Variants in CNGA4 observed in about 807,000 individuals in gnomAD.
CNGA4 encodes the protein cyclic nucleotide-gated channel alpha-4.
A neutral mutation model predicts 45.6 loss-of-function variants in CNGA4; 32 were observed. That is an observed-to-expected ratio of 0.70 (90% CI 0.53 to 0.94). The LOEUF (loss-of-function observed/expected upper bound fraction) is 0.94, where lower values mean the gene tolerates loss of function less well. Among genes scored for constraint, CNGA4 ranks in the 40% least tolerant of loss-of-function variants. The pLI, the probability that CNGA4 is intolerant of heterozygous loss-of-function variation, is 0.00. For synonymous variants in CNGA4, 293 were observed against 304.6 expected, an observed-to-expected ratio of 0.96 and a Z score of 0.40; for missense variants, 726 against 755.1, an observed-to-expected ratio of 0.96 and a Z score of 0.45.
chr11:6,237,109 A>G (rs1265768774), upstream of CNGA4, among the ~76,000 whole-genome samples: 1 of 152,206 alleles, frequency 6.6e-6, no homozygotes. Flanking sequence ...ACCAGACAAC[A>G]CGCATTCCAA....
Position 6,241,484 on chromosome 11 carries a change from A to G in CNGA4, c.971A>G (p.Gln324Arg). ...ATGACCAACGAGGTAGCCATCTTAC[A>G]GCACTTGCCTGAGCGGCTGCGGGCA... Reference protein sequence around the residue: ...KKMTNEVAILQHLPERLRAEV... With the variant: ...KKMTNEVAILRHLPERLRAEV... The change falls in exon 5 of 6, where the codon CAG becomes CGG. Residue 324 changes from glutamine (Q) to arginine (R), a missense_variant. By Grantham distance (43) the Gln-to-Arg change is conservative (BLOSUM62 1). Transcript: ENST00000379936. The G allele has an allele frequency of 1.9e-6, 3 of 1,608,964 alleles. No individual in the cohort carries two copies. Among genetic ancestry groups the G allele is most frequent in the Non-Finnish European group, 2.6e-6 (3 of 1,176,352 alleles).
At position 6,244,410 on chromosome 11, in the gene CNGA4, C is replaced by A. The variant is rs760107657; in HGVS notation, c.*1C>A. Reference sequence around the variant, plus strand: ...GGAGGGACCCCCAGGTCCAGAGTGACCCCATCCCCATCCCCAGGATTCCCA... The same window carrying A: ...GGAGGGACCCCCAGGTCCAGAGTGAACCCATCCCCATCCCCAGGATTCCCA... On this transcript the variant is annotated 3_prime_UTR_variant, in exon 6 of 6. Transcript: ENST00000379936. This position sits in a 1 kb window ranked among gnomAD's most constrained non-coding sequence, Gnocchi z 4.5. 3 of 1,598,936 alleles carry A rather than the reference C, an allele frequency of 1.9e-6. No homozygotes were observed. Among genetic ancestry groups the A allele is most frequent in the South Asian group, 2.2e-5 (2 of 89,400 alleles).
chr11:6,240,274 C>T lies in CNGA4; in HGVS notation c.480C>T (p.Arg160=). The T allele has an allele frequency of 6.2e-7, 1 of 1,614,220 alleles. No homozygotes were observed. Among genetic ancestry groups the T allele is most frequent in the Non-Finnish European group, 8.5e-7 (1 of 1,180,026 alleles). The change falls in exon 4 of 6, where the codon CGC becomes CGT. Residue 160 remains arginine (R), a synonymous_variant. Coordinates refer to ENST00000379936, the MANE Select transcript of CNGA4 (RefSeq NM_001037329.4). This position sits in a 1 kb window ranked among gnomAD's most constrained non-coding sequence, Gnocchi z 4.9. The part of the protein sequence containing the change: ...LFEAFDRTET[R]TAYPNAFRIA... Reference sequence around the variant, plus strand: ...AGGCCTTCGACCGCACAGAGACCCGCACAGCTTACCCAAATGCCTTTCGCA... The same window carrying T: ...AGGCCTTCGACCGCACAGAGACCCGTACAGCTTACCCAAATGCCTTTCGCA...
intron 5 of CNGA4, 137 bp downstream of exon 5, chr11:6,241,917 G>C (rs948070841): frequency 1.4e-6 from 1 of 715,300 alleles, no homozygotes; most frequent in South Asian, 1.8e-5. Context: ...TGAGTCACTA[G>C]ATGGCTCAGG....
At position 6,240,621 on chromosome 11, in the gene CNGA4, A is replaced by T; in HGVS notation, c.827A>T (p.Asp276Val). Residue 276 changes from aspartate to valine, a missense_variant, in exon 4 of 6, where the codon GAT becomes GTT. Coordinates refer to ENST00000379936, the MANE Select transcript of CNGA4 (RefSeq NM_001037329.4). This position sits in a 1 kb window ranked among gnomAD's most constrained non-coding sequence, Gnocchi z 4.9. ...GTCATCTACAACATGAACACTGCAG[A>T]TGCGGCTTTCTACCCAGATCATGCA... Reference protein sequence around the residue: ...SSVIYNMNTADAAFYPDHALV... With the variant: ...SSVIYNMNTAVAAFYPDHALV... The T allele has an allele frequency of 6.2e-7, 1 of 1,614,212 alleles. No individual in the cohort carries two copies. Among genetic ancestry groups the T allele is most frequent in the Non-Finnish European group, 8.5e-7 (1 of 1,180,044 alleles).
upstream of CNGA4, among the ~76,000 whole-genome samples, chr11:6,238,693 CTCTT>C (rs539477303): frequency 2.3e-3 from 343 of 152,342 alleles, no homozygotes; most frequent in Non-Finnish European, 3.9e-3. Context: ...TGAGAGGCAT[CTCTT>C]TGTCCCTGGA....
upstream of CNGA4, chr11:6,238,942 A>T: frequency 1.1e-6 from 1 of 936,182 alleles, no homozygotes; most frequent in Non-Finnish European, 1.5e-6. Flanking sequence ...CACCTTCTCC[A>T]GGGATCTCAT....
At chr11:6,236,164 T>C (rs951554348), upstream of CNGA4, among the ~76,000 whole-genome samples, 1 of 152,116 alleles carries the variant, frequency 6.6e-6, no homozygotes, top group African/African-American at 2.4e-5. Context: ...GATCAGCATA[T>C]ACCAGGGAAA....
At chr11:6,238,481 A>G (rs1247124389), upstream of CNGA4, among the ~76,000 whole-genome samples, 1 of 152,176 alleles carries the variant, frequency 6.6e-6, no homozygotes, top group East Asian at 1.9e-4. Flanking sequence ...AAAAAGAGAA[A>G]AGTTGAAAGA....
In CNGA4 at chr11:6,243,344, T is replaced by C. The variant is rs567302873; in HGVS notation, c.1268-605T>C. On this transcript the variant is annotated intron_variant, in intron 5 of 5. Coordinates refer to ENST00000379936, the MANE Select transcript of CNGA4 (RefSeq NM_001037329.4). ...TTCTAGGGAGGCTTCAAGAAGCTTA[T>C]AATTGTGGCAGAAGGCAAAGGGGGA... Among the ~76,000 whole-genome samples the C allele has an allele frequency of 2.0e-5, 3 of 152,266 alleles. No homozygotes were observed. In the East Asian group the frequency reaches 5.8e-4, roughly 29 times the overall value.
At chr11:6,236,012 A>G (rs1030900582), upstream of CNGA4, among the ~76,000 whole-genome samples, 2 of 152,236 alleles carry the variant, frequency 1.3e-5, no homozygotes, top group African/African-American at 4.8e-5. Flanking sequence ...TCATTGTGCT[A>G]TAGTTATGTA....
chr11:6,241,073 A>G (rs1200129185), intron 4 of CNGA4, among the ~76,000 whole-genome samples: 1 of 152,154 alleles, frequency 6.6e-6, no homozygotes, highest in Non-Finnish European at 1.5e-5. Context: ...TTGGCTACCT[A>G]TGGTGATTCA....
downstream of CNGA4, among the ~76,000 whole-genome samples, chr11:6,244,689 T>C (rs985603978): frequency 6.6e-6 from 1 of 151,488 alleles, no homozygotes; most frequent in Admixed American, 6.6e-5. This position sits in a 1 kb window ranked among gnomAD's most constrained non-coding sequence, Gnocchi z 4.5. Context: ...GCTCTGGAAT[T>C]TCCATTCTCA....
In CNGA4 at chr11:6,240,791, C is replaced by G. The variant is rs751074189; in HGVS notation, c.917+80C>G. 1.7e-5 allele frequency: 26 copies of G among 1,511,656 alleles called. No homozygotes were observed. Among genetic ancestry groups the G allele is most frequent in the Middle Eastern group, 2.4e-4 (1 of 4,158 alleles). 93.6% of individuals were successfully genotyped at this position (1,511,656 alleles called of 1,614,324 possible). A position where few individuals can be genotyped will look rare whatever the true frequency, so the allele number is the denominator to read the frequency against. On this transcript the variant is annotated intron_variant, in intron 4 of 5. Coordinates refer to ENST00000379936, the MANE Select transcript of CNGA4 (RefSeq NM_001037329.4). The surrounding 1 kb of genome is among the most constrained non-coding windows in gnomAD (Gnocchi z 4.9). The stretch of plus-strand genomic sequence containing the variant: ...GAGGGAGGTAACTGGGTCCTTAGTG[C>G]CTGGTGAGCCAGGCAAGGCTGTCAA...
At chr11:6,237,232 ATT>A (rs1212018982), upstream of CNGA4, among the ~76,000 whole-genome samples, 1 of 151,932 alleles carries the variant, frequency 6.6e-6, no homozygotes, top group Non-Finnish European at 1.5e-5. Flanking sequence ...ATTTGTGACC[ATT>A]TTTTTTAACT....
At chr11:6,244,492 G>A, downstream of CNGA4, 1 of 1,322,022 alleles carries the variant, frequency 7.6e-7, no homozygotes, top group Non-Finnish European at 1.0e-6. This position sits in a 1 kb window ranked among gnomAD's most constrained non-coding sequence, Gnocchi z 4.5. Context: ...CTGTCATCCT[G>A]TCTGCGAGAT....
At chr11:6,241,931 AAAAC>A in intron 5 of CNGA4, 151 bp downstream of exon 5, 1 of 662,720 alleles carries the variant, frequency 1.5e-6, no homozygotes, top group Non-Finnish European at 2.6e-6. Context: ...GCTCAGGAGA[AAAAC>A]AACACATAGA....
In CNGA4 at chr11:6,241,467, C is replaced by T. The variant is rs375543350; in HGVS notation, c.954C>T (p.Asn318=). Residue 318 remains asparagine, a synonymous_variant, in exon 5 of 6, where the codon AAC becomes AAT. Transcript: ENST00000379936. ...TGCAGATCAACAAGAAGATGACCAA[C>T]GAGGTAGCCATCTTACAGCACTTGC... The part of the protein sequence containing the change: ...QHLQINKKMT[N]EVAILQHLPE... 1.6e-5 allele frequency: 26 copies of T among 1,598,768 alleles called. No individual in the cohort carries two copies. Among genetic ancestry groups the T allele is most frequent in the East Asian group, 2.2e-5 (1 of 44,664 alleles).
Position 6,239,444 on chromosome 11 carries a change from G to C in CNGA4, c.123G>C (p.Met41Ile), listed in dbSNP as rs1332908299. The stretch of plus-strand genomic sequence containing the variant: ...ACTACTACTGGTGGCTGAACACAAT[G>C]GTCTTCCCAGTCATGTATAACCTCA... Reference protein sequence around the residue: ...GDYYYWWLNTMVFPVMYNLII... With the variant: ...GDYYYWWLNTIVFPVMYNLII... Residue 41 changes from methionine (M) to isoleucine (I), a missense_variant, in exon 2 of 6, where the codon ATG (methionine) becomes ATC (isoleucine). Met to Ile is a conservative substitution (Grantham distance 10). Coordinates refer to ENST00000379936, the MANE Select transcript of CNGA4 (RefSeq NM_001037329.4). 1 of 1,614,186 alleles carries C rather than the reference G, an allele frequency of 6.2e-7. No individual in the cohort carries two copies. Among genetic ancestry groups the C allele is most frequent in the Non-Finnish European group, 8.5e-7 (1 of 1,180,030 alleles).
Sources: allele counts gnomAD v4.1 joint callset (sites outside exome capture counted in the v4.1 genomes callset), GRCh38; gene constraint gnomAD v4.1.1; non-coding constraint Gnocchi (gnomAD v3.1); transcripts MANE v1.5; gene names NCBI Gene and HGNC (gene_info 2026-07-23, HGNC 2026-07-21).